RNF8: variants seen among roughly 807,000 people sequenced by gnomAD.
RNF8 encodes ring finger protein 8.
A neutral mutation model predicts 59.3 loss-of-function variants in RNF8; 8 were observed. The observed-to-expected ratio is 0.13, with a 90% CI of 0.08 to 0.24. The LOEUF (loss-of-function observed/expected upper bound fraction) is 0.24, where lower values mean the gene tolerates loss of function less well. Ranked by LOEUF, RNF8 falls within the 10% of genes least tolerant of loss-of-function variation. The probability of loss-of-function intolerance (pLI) is 1.00; values close to 1 mark genes in which losing one functional copy is unlikely to be tolerated. For missense variants in RNF8, 406 were observed against 572.6 expected (o/e 0.71, Z 2.97); for synonymous variants, 162 against 200.0 (o/e 0.81, Z 1.60).
intron 5 of RNF8, among the ~76,000 whole-genome samples, chr6:37,375,856 G>T (rs1769993753): frequency 6.6e-6 from 1 of 152,238 alleles, no homozygotes; most frequent in African/African-American, 2.4e-5. Flanking sequence ...TTTTGGGGGT[G>T]AAGTGCTAAA....
At chr6:37,359,178 C>T (rs752974433) in intron 1 of RNF8, 4 of 451,940 alleles carry the variant, frequency 8.9e-6, no homozygotes, top group South Asian at 4.7e-5. Flanking sequence ...TTCCTTCCTT[C>T]ACAGGGTTGT....
At chr6:37,361,090 C>T in intron 2 of RNF8, 2 of 352,130 alleles carry the variant, frequency 5.7e-6, no homozygotes, top group African/African-American at 2.2e-5. Flanking sequence ...GGTTTTTCTC[C>T]TTTAAACAAA....
chr6:37,379,590 A>G (rs1190784130), intron 6 of RNF8, among the ~76,000 whole-genome samples: 1 of 152,198 alleles, frequency 6.6e-6, no homozygotes, highest in Non-Finnish European at 1.5e-5. Context: ...GATTACTCAG[A>G]GGAGCCCCAC....
intron 6 of RNF8, among the ~76,000 whole-genome samples, chr6:37,377,924 C>G (rs1355294482): frequency 1.3e-5 from 2 of 152,148 alleles, no homozygotes; most frequent in South Asian, 2.1e-4. Context: ...TTGACAAATT[C>G]TGCTGTTTGT....
chr6:37,387,392 G>A (rs192922378), intron 7 of RNF8, among the ~76,000 whole-genome samples: 18 of 152,142 alleles, frequency 1.2e-4, no homozygotes, highest in South Asian at 4.1e-4. Context: ...CCCAGGCTGA[G>A]TGCAGTGGCA....
In RNF8 at chr6:37,368,895, G is replaced by C. The variant is rs1443330431; in HGVS notation, c.652G>C (p.Ala218Pro). 5 of 1,614,032 alleles carry C rather than the reference G, an allele frequency of 3.1e-6. No homozygotes were observed. The East Asian group carries it at 1.1e-4, about 36-fold the overall frequency. ...TALEPSKTTG[A>P]PIYPGFPKVT... The stretch of plus-strand genomic sequence containing the variant: ...CCTTGAGCCAAGTAAGACCACAGGG[G>C]CTCCCATTTACCCTGGCTTCCCCAA... The change falls in exon 3 of 8, where the codon GCT becomes CCT. Residue 218 changes from alanine to proline, a missense_variant. Physicochemically the swap from Ala to Pro is conservative, Grantham distance 27. Around this residue, in one of 3 missense-constraint regions of RNF8, gnomAD observed 285 missense variants for 342.0 expected, o/e 0.83. Transcript: ENST00000373479.
At chr6:37,361,252 G>A in intron 2 of RNF8, 1 of 454,584 alleles carries the variant, frequency 2.2e-6, no homozygotes. Flanking sequence ...GATTGTTTGA[G>A]CCCATGAATT....
chr6:37,381,480 A>G (rs1417978844), intron 7 of RNF8, 126 bp downstream of exon 7: 11 of 797,634 alleles, frequency 1.4e-5, no homozygotes. Context: ...GATGGAATAA[A>G]TGGGGAGGAG....
chr6:37,359,695 G>A (rs1769244100), intron 1 of RNF8, among the ~76,000 whole-genome samples: 1 of 152,148 alleles, frequency 6.6e-6, no homozygotes, highest in African/African-American at 2.4e-5. Flanking sequence ...TCCTAAGTTC[G>A]AGGATACACT....
At chr6:37,358,441 T>A (rs2269055) in intron 1 of RNF8, among the ~76,000 whole-genome samples, 5,254 of 152,282 alleles carry the variant, frequency 0.035, 238 homozygotes, top group East Asian at 0.11. Flanking sequence ...GCCAGGTGGT[T>A]TGGACTAAGG....
At chr6:37,390,243 A>G (rs1382038271) in intron 7 of RNF8, among the ~76,000 whole-genome samples, 2 of 152,242 alleles carry the variant, frequency 1.3e-5, no homozygotes, top group Non-Finnish European at 2.9e-5. Flanking sequence ...GTTAGATGTA[A>G]TTAATGCTAT....
rs60123670 is a variant in RNF8, at chr6:37,360,439, C to CT, written c.112-6dup. ...ATGGTATTTCTTGCATTGTTGTTGT[C>CT]TCCCAGGTGACTGTAGGACGAGGAT... On this transcript the variant is annotated splice_polypyrimidine_tract_variant and splice_region_variant and intron_variant, in intron 1 of 7. Transcript: ENST00000373479. The surrounding 1 kb of genome is among the most constrained non-coding windows in gnomAD (Gnocchi z 4.2). The CT allele has an allele frequency of 0.046, 74,332 of 1,613,162 alleles. 17,541 individuals are homozygous for CT. In the African/African-American group the frequency reaches 0.66, roughly 14 times the overall value.
rs1770788330 is a variant in RNF8, at chr6:37,393,740, C to T, written c.*2982C>T. The stretch of plus-strand genomic sequence containing the variant: ...AATCAGACTGTGCCAAAGCAGGGGA[C>T]TTTGTCCTTTGTGGATTGCATAGCT... On this transcript the variant is annotated 3_prime_UTR_variant, in exon 8 of 8. Transcript: ENST00000373479. 1 of 152,194 alleles carries T rather than the reference C, an allele frequency of 6.6e-6. No individual in the cohort carries two copies. The allele number at this position is 152,194 out of a possible 1,614,324, so 9.4% of individuals were successfully genotyped here.
intron 2 of RNF8, 164 bp from the exon 3 acceptor site, chr6:37,368,320 C>T (rs149922323): frequency 4.3e-5 from 66 of 1,552,440 alleles, no homozygotes; most frequent in African/African-American, 1.1e-4. Flanking sequence ...CACTGCTTGA[C>T]GAATGCTGTT....
intron 1 of RNF8, among the ~76,000 whole-genome samples, chr6:37,356,187 A>G (rs945760086): frequency 2.0e-5 from 3 of 152,230 alleles, no homozygotes; most frequent in African/African-American, 7.2e-5. Flanking sequence ...GGAGGGACCC[A>G]TATAAACTCA....
intron 6 of RNF8, among the ~76,000 whole-genome samples, chr6:37,377,846 T>C (rs373185301): frequency 6.6e-6 from 1 of 152,222 alleles, no homozygotes; most frequent in Non-Finnish European, 1.5e-5. Flanking sequence ...ACTCTGAGGC[T>C]CCTTATGGAA....
At chr6:37,371,789 TG>T (rs1769816428) in intron 4 of RNF8, among the ~76,000 whole-genome samples, 1 of 152,204 alleles carries the variant, frequency 6.6e-6, no homozygotes, top group African/African-American at 2.4e-5. Flanking sequence ...CATCTTTGTC[TG>T]AGCAGAAGTT....
chr6:37,368,283 A>T, intron 2 of RNF8: 1 of 1,224,330 alleles, frequency 8.2e-7, no homozygotes, highest in Non-Finnish European at 1.1e-6. Context: ...GGAGGCATGA[A>T]TGTGAAATAT....
chr6:37,371,006 A>T (rs1769778717), intron 3 of RNF8, among the ~76,000 whole-genome samples: 1 of 152,192 alleles, frequency 6.6e-6, no homozygotes, highest in East Asian at 1.9e-4. Context: ...GAGGGGGCTG[A>T]TGAGGAAATA....
Sources: allele counts gnomAD v4.1 joint callset (sites outside exome capture counted in the v4.1 genomes callset), GRCh38; gene constraint gnomAD v4.1.1; regional missense constraint gnomAD v4.1.1; non-coding constraint Gnocchi (gnomAD v3.1); transcripts MANE v1.5; gene names NCBI Gene and HGNC (gene_info 2026-07-23, HGNC 2026-07-21).